The following FOXP1 variants were observed in gnomAD, a reference collection of about 807,000 sequenced individuals.
The protein encoded by FOXP1 is forkhead box protein P1.
A neutral mutation model predicts 98.2 loss-of-function variants in FOXP1; 15 were observed. That is an observed-to-expected ratio of 0.15 (90% confidence interval 0.10 to 0.24). FOXP1 has a LOEUF of 0.24. Among genes scored for constraint, FOXP1 ranks in the 10% least tolerant of loss-of-function variants. The probability of loss-of-function intolerance (pLI) is 1.00; values close to 1 mark genes in which losing one functional copy is unlikely to be tolerated. For missense variants in FOXP1, 633 were observed against 848.5 expected (o/e 0.75, Z 3.15); for synonymous variants, 371 against 314.5 (o/e 1.18, Z -1.90).
At chr3:71,163,708 T>C (rs2061258500) in intron 6 of FOXP1, among the ~76,000 whole-genome samples, 1 of 152,154 alleles carries the variant, frequency 6.6e-6, no homozygotes. Context: ...TAGTTCATCA[T>C]TCCTATGTGT....
intron 11 of FOXP1, among the ~76,000 whole-genome samples, chr3:71,019,834 C>T (rs1045493646): frequency 1.2e-5 from 1 of 84,642 alleles, no homozygotes; most frequent in African/African-American, 1.3e-4. Flanking sequence ...GAGACACGGT[C>T]CCCCCCCCAA....
intron 3 of FOXP1, among the ~76,000 whole-genome samples, chr3:71,421,646 T>C (rs1186218776): frequency 6.6e-6 from 1 of 152,108 alleles, no homozygotes; most frequent in East Asian, 1.9e-4. Flanking sequence ...ACCTGCGTAG[T>C]GAATGGTTCA....
Position 71,285,883 on chromosome 3 carries a change from A to G in FOXP1, c.-12+13937T>C, listed in dbSNP as rs369930304. 6.6e-5 allele frequency among the ~76,000 whole-genome samples: 10 copies of G among 152,304 alleles called. No individual in the cohort carries two copies. In the East Asian group the frequency reaches 1.9e-3, roughly 29 times the overall value. ...CTTCAGTAAATATAAGGAATGGGCT[A>G]CAGAAGTCTGACATTCCTTGGTCCT... On this transcript the variant is annotated intron_variant, in intron 5 of 20. Coordinates refer to ENST00000649528, the MANE Select transcript of FOXP1 (RefSeq NM_001349338.3).
intron 5 of FOXP1, among the ~76,000 whole-genome samples, chr3:71,269,104 T>TTG (rs1054349278): frequency 6.6e-5 from 10 of 151,220 alleles, no homozygotes; most frequent in African/African-American, 2.2e-4. Context: ...TTTTGTTTTT[T>TTG]TTTTTTTTCA....
chr3:71,150,336 C>A (rs1394270835), intron 6 of FOXP1, among the ~76,000 whole-genome samples: 1 of 152,190 alleles, frequency 6.6e-6, no homozygotes, highest in African/African-American at 2.4e-5. Flanking sequence ...ACCTACTCAA[C>A]TGGAATAAAT....
chr3:71,345,780 G>A (rs1465270812), intron 4 of FOXP1, among the ~76,000 whole-genome samples: 1 of 148,994 alleles, frequency 6.7e-6, no homozygotes, highest in East Asian at 2.0e-4. Context: ...AGATGGGGGA[G>A]CTGGTCCTGA....
chr3:71,520,779 T>G (rs2042923362), intron 2 of FOXP1, among the ~76,000 whole-genome samples: 1 of 152,234 alleles, frequency 6.6e-6, no homozygotes, highest in African/African-American at 2.4e-5. Context: ...AATTGAAATT[T>G]TCGTGACATT....
intron 5 of FOXP1, among the ~76,000 whole-genome samples, chr3:71,235,667 A>T (rs1156665896): frequency 6.6e-6 from 1 of 152,078 alleles, no homozygotes; most frequent in Non-Finnish European, 1.5e-5. Context: ...CCCAGGTTCA[A>T]GCGATTCTCC....
intron 6 of FOXP1, among the ~76,000 whole-genome samples, chr3:71,158,727 C>CAAAAAA: frequency 8.8e-6 from 1 of 113,092 alleles, no homozygotes; most frequent in Non-Finnish European, 1.8e-5. Flanking sequence ...GCCCACAGAC[C>CAAAAAA]AAAAAAAAAA....
intron 6 of FOXP1, among the ~76,000 whole-genome samples, chr3:71,135,233 C>T (rs980599359): frequency 5.1e-5 from 7 of 138,358 alleles, no homozygotes; most frequent in African/African-American, 1.9e-4. Context: ...CACTTCAGCC[C>T]GGCAACAGTG....
chr3:71,393,744 C>T (rs575495480), intron 3 of FOXP1, among the ~76,000 whole-genome samples: 1 of 152,202 alleles, frequency 6.6e-6, no homozygotes, highest in Admixed American at 6.5e-5. Context: ...TCTGTGAAAT[C>T]AAAGCAGTTT....
At chr3:71,212,855 G>A (rs1205556082) in intron 5 of FOXP1, among the ~76,000 whole-genome samples, 5 of 151,872 alleles carry the variant, frequency 3.3e-5, no homozygotes, top group East Asian at 1.9e-4. Context: ...TGGTGTCTAC[G>A]TAATGGGAAA....
intron 3 of FOXP1, among the ~76,000 whole-genome samples, chr3:71,435,217 C>A (rs1464756923): frequency 1.0e-5 from 1 of 96,166 alleles, no homozygotes; most frequent in Non-Finnish European, 2.0e-5. Context: ...GGAAGGGAAG[C>A]AGGAAAGAAG....
intron 6 of FOXP1, among the ~76,000 whole-genome samples, chr3:71,127,894 G>A (rs528507255): frequency 3.9e-5 from 6 of 152,286 alleles, no homozygotes; most frequent in African/African-American, 1.4e-4. Context: ...TTTGGAGAGA[G>A]GCGGAAAGGC....
chr3:71,088,854 T>C (rs1017486606), intron 7 of FOXP1, among the ~76,000 whole-genome samples: 1 of 152,140 alleles, frequency 6.6e-6, no homozygotes, highest in Non-Finnish European at 1.5e-5. Flanking sequence ...CCAAATACCT[T>C]AGTGCAGTTC....
At chr3:71,082,001 G>A (rs949428755) in intron 7 of FOXP1, among the ~76,000 whole-genome samples, 8 of 152,096 alleles carry the variant, frequency 5.3e-5, no homozygotes, top group Non-Finnish European at 1.0e-4. Flanking sequence ...GTGCTGCGCT[G>A]GGCGCGGTGG....
chr3:71,152,604 C>A (rs2060624443), intron 6 of FOXP1, among the ~76,000 whole-genome samples: 1 of 152,118 alleles, frequency 6.6e-6, no homozygotes, highest in Non-Finnish European at 1.5e-5. Flanking sequence ...CACAGACCTG[C>A]TCCTGTGCCC....
chr3:71,374,077 A>C (rs1338785559), intron 3 of FOXP1, among the ~76,000 whole-genome samples: 3 of 152,234 alleles, frequency 2.0e-5, no homozygotes, highest in South Asian at 2.1e-4. Context: ...CAAACTGTTC[A>C]ATTAAGAAAA....
At chr3:70,971,140 A>C (rs1220681264) in intron 18 of FOXP1, 3 of 356,578 alleles carry the variant, frequency 8.4e-6, no homozygotes, top group Non-Finnish European at 1.6e-5. Flanking sequence ...GCAGCCTAGG[A>C]GGTCGTGCTG....
Sources: allele counts gnomAD v4.1 joint callset (sites outside exome capture counted in the v4.1 genomes callset), GRCh38; gene constraint gnomAD v4.1.1; transcripts MANE v1.5; gene names NCBI Gene and HGNC (gene_info 2026-07-23, HGNC 2026-07-21).